The following L3MBTL4 variants were observed in gnomAD, a reference collection of about 807,000 sequenced individuals.
The protein encoded by L3MBTL4 is L3MBTL histone methyl-lysine binding protein 4.
A neutral mutation model predicts 84.5 loss-of-function variants in L3MBTL4; 70 were observed. The observed-to-expected ratio is 0.83, with a 90% confidence interval of 0.68 to 1.01. The LOEUF is 1.01. Ranked by LOEUF, L3MBTL4 falls within the 50% of genes least tolerant of loss-of-function variation. The probability of loss-of-function intolerance (pLI) is 0.00; values close to 1 mark genes in which losing one functional copy is unlikely to be tolerated. For missense variants in L3MBTL4, 715 were observed against 754.8 expected, an observed-to-expected ratio of 0.95 and a Z score of 0.62; for synonymous variants, 274 against 259.8, an observed-to-expected ratio of 1.05 and a Z score of -0.52.
chr18:6,210,231 G>A (rs1378090062), intron 12 of L3MBTL4, among the ~76,000 whole-genome samples: 4 of 152,210 alleles, frequency 2.6e-5, no homozygotes, highest in Admixed American at 1.3e-4. Context: ...TGTCTTTAGT[G>A]GATCTGCTGC....
At chr18:6,104,814 T>A (rs565094902) in intron 14 of L3MBTL4, among the ~76,000 whole-genome samples, 113 of 152,354 alleles carry the variant, frequency 7.4e-4, no homozygotes, top group African/African-American at 2.6e-3. Flanking sequence ...TTCATATATG[T>A]ATAGATATAT....
At chr18:5,971,827 G>A (rs1197220580) in intron 16 of L3MBTL4, among the ~76,000 whole-genome samples, 1 of 152,190 alleles carries the variant, frequency 6.6e-6, no homozygotes, top group Non-Finnish European at 1.5e-5. Context: ...GGCTCTGGAA[G>A]ATGACAGATG....
rs533937644 is a variant in L3MBTL4, at chr18:6,005,663, G to A, written c.1445-36101C>T. 3.3e-5 allele frequency among the ~76,000 whole-genome samples: 5 copies of A among 152,260 alleles called. No homozygotes were observed. In the East Asian group the frequency reaches 7.7e-4, roughly 24 times the overall value. ...CTTCATCTATGTTTCTGCAAAGGACGTGACTTCATTTTTTTTACGGCCATG... is the reference window on the plus strand; with the variant it reads ...CTTCATCTATGTTTCTGCAAAGGACATGACTTCATTTTTTTTACGGCCATG... On this transcript the variant is annotated intron_variant, in intron 16 of 18. Coordinates refer to ENST00000317931, the MANE Select transcript of L3MBTL4 (RefSeq NM_001330559.2).
intron 13 of L3MBTL4, among the ~76,000 whole-genome samples, chr18:6,146,112 C>G (rs112362387): frequency 0.014 from 2,148 of 152,326 alleles, 50 homozygotes; most frequent in African/African-American, 0.048. Flanking sequence ...GGAGATGAGA[C>G]GGCGTGGGCC....
intron 3 of L3MBTL4, among the ~76,000 whole-genome samples, chr18:6,304,620 G>A (rs1441477012): frequency 6.6e-6 from 1 of 152,238 alleles, no homozygotes; most frequent in Admixed American, 6.5e-5. Flanking sequence ...AGGGCATGCA[G>A]TGGGAGTGGA....
At position 6,343,661 on chromosome 18, in the gene L3MBTL4, CAAAAAA is replaced by C. The variant is rs1192917126; in HGVS notation, c.-90-31611_-90-31606del. ...TTGGCAACAGAGCGAGACACCATAT[CAAAAAA>C]AAAAAAAAAAAGAAGTTGTAAATCA... On this transcript the variant is annotated intron_variant, in intron 1 of 18. Transcript: ENST00000317931. Among the ~76,000 whole-genome samples, 10 of 85,822 alleles carry C rather than the reference CAAAAAA, an allele frequency of 1.2e-4. No homozygotes were observed. In the East Asian group the frequency reaches 2.0e-3, roughly 17 times the overall value. 56.3% of individuals were successfully genotyped at this position (85,822 alleles called of 152,430 possible).
intron 4 of L3MBTL4, among the ~76,000 whole-genome samples, chr18:6,265,401 A>G (rs943173685): frequency 1.3e-5 from 2 of 152,218 alleles, no homozygotes; most frequent in African/African-American, 4.8e-5. Flanking sequence ...AGGATTACAT[A>G]CTAAGAGAGT....
intron 4 of L3MBTL4, among the ~76,000 whole-genome samples, chr18:6,277,165 A>G (rs2049119443): frequency 6.8e-6 from 1 of 147,812 alleles, no homozygotes; most frequent in South Asian, 2.3e-4. Flanking sequence ...GAGGGATAGT[A>G]TTGGGAGATA....
At chr18:6,368,524 G>A (rs746881506) in intron 1 of L3MBTL4, among the ~76,000 whole-genome samples, 12 of 152,072 alleles carry the variant, frequency 7.9e-5, no homozygotes, top group East Asian at 1.9e-4. Context: ...GCATTAACTC[G>A]TGGAACTTCA....
intron 1 of L3MBTL4, among the ~76,000 whole-genome samples, chr18:6,345,556 A>G (rs890839559): frequency 2.5e-4 from 25 of 99,912 alleles, no homozygotes; most frequent in Non-Finnish European, 5.9e-5. Context: ...AATAGAATTT[A>G]AAAACAATCC....
chr18:6,168,364 T>C lies in L3MBTL4; in HGVS notation c.1096+3464A>G, dbSNP rs549016801. Among the ~76,000 whole-genome samples the C allele has an allele frequency of 2.0e-3, 310 of 152,058 alleles. 1 individual carries two copies. Among genetic ancestry groups the C allele is most frequent in the Admixed American group, 5.3e-3 (81 of 15,260 alleles). ...TATGGAACCAAAAAAGAGCCCGCAT[T>C]GCCAAGTCAATCCTAAGCCAAAAGA... On this transcript the variant is annotated intron_variant, in intron 13 of 18. Coordinates refer to ENST00000317931, the MANE Select transcript of L3MBTL4 (RefSeq NM_001330559.2).
chr18:6,120,332 G>A (rs1410590404), intron 14 of L3MBTL4, among the ~76,000 whole-genome samples: 1 of 152,142 alleles, frequency 6.6e-6, no homozygotes, highest in Admixed American at 6.5e-5. Context: ...AGGTGGCTAT[G>A]GAGAGGGAAG....
chr18:6,398,851 A>C (rs111694481), intron 1 of L3MBTL4, among the ~76,000 whole-genome samples: 107 of 152,214 alleles, frequency 7.0e-4, no homozygotes, highest in African/African-American at 2.0e-3. Context: ...ATGAGCCACC[A>C]CTGCTTCCCA....
intron 13 of L3MBTL4, among the ~76,000 whole-genome samples, chr18:6,169,717 T>C (rs945586775): frequency 6.7e-6 from 1 of 149,018 alleles, no homozygotes; most frequent in Non-Finnish European, 1.5e-5. Flanking sequence ...TTAGGAGATA[T>C]ACCTAATGCT....
chr18:6,210,628 G>A (rs1219915205), intron 12 of L3MBTL4, among the ~76,000 whole-genome samples: 1 of 152,176 alleles, frequency 6.6e-6, no homozygotes, highest in Non-Finnish European at 1.5e-5. Flanking sequence ...AAAGCCCTTA[G>A]AACAGTGTGT....
intron 18 of L3MBTL4, among the ~76,000 whole-genome samples, chr18:5,957,071 G>T (rs941935042): frequency 6.6e-6 from 1 of 152,250 alleles, no homozygotes; most frequent in Admixed American, 6.5e-5. Context: ...ATTATCTTTG[G>T]ATGTAGAATA....
In L3MBTL4 at chr18:5,969,474, G is replaced by A. The variant is rs372242423; in HGVS notation, c.1533C>T (p.Leu511=). 81 of 1,614,052 alleles carry A rather than the reference G, an allele frequency of 5.0e-5. No individual in the cohort carries two copies. In the Middle Eastern group the frequency reaches 9.9e-4, roughly 20 times the overall value. ...VSAHPFRDLP[L]GREQHCKLLP... is the part of the protein sequence containing the mutation. ...GCAACTTGCAGTGTTGCTCCCTGCC[G>A]AGGGGAAGGTCCCGAAAAGGGTGGG... The change falls in exon 17 of 19, where the codon CTC becomes CTT. Residue 511 remains leucine, a synonymous_variant. Transcript: ENST00000317931.
intron 16 of L3MBTL4, among the ~76,000 whole-genome samples, chr18:6,064,944 GC>G (rs1208321469): frequency 3.3e-5 from 5 of 151,938 alleles, no homozygotes; most frequent in African/African-American, 1.2e-4. Context: ...CAGGGGGAAT[GC>G]TTTAAACTCT....
chr18:6,043,632 G>T lies in L3MBTL4; in HGVS notation c.1444+37249C>A, dbSNP rs1330953630. Among the ~76,000 whole-genome samples, 3 of 152,258 alleles carry T rather than the reference G, an allele frequency of 2.0e-5. No homozygotes were observed. In the East Asian group the frequency reaches 5.8e-4, roughly 29 times the overall value. ...GTGCAGGTTGATGTCTTTCAATACG[G>T]TCAATCGATTAATCTATCTGCCCCA... On this transcript the variant is annotated intron_variant, in intron 16 of 18. Transcript: ENST00000317931.
Sources: allele counts gnomAD v4.1 joint callset (sites outside exome capture counted in the v4.1 genomes callset), GRCh38; gene constraint gnomAD v4.1.1; transcripts MANE v1.5; gene names NCBI Gene and HGNC (gene_info 2026-07-23, HGNC 2026-07-21).